FAS: variants seen among roughly 807,000 people sequenced by gnomAD.
The protein encoded by FAS is tumor necrosis factor receptor superfamily member 6.
A neutral mutation model predicts 33.2 loss-of-function variants in FAS; 5 were observed. The observed-to-expected ratio is 0.15, with a 90% CI of 0.08 to 0.32. The LOEUF (loss-of-function observed/expected upper bound fraction) is 0.32, where lower values mean the gene tolerates loss of function less well. Ranked by LOEUF, FAS falls within the 10% of genes least tolerant of loss-of-function variation. The pLI, the probability that FAS is intolerant of heterozygous loss-of-function variation, is 1.00. For synonymous variants in FAS, 131 were observed against 130.7 expected, an observed-to-expected ratio of 1.00 and a Z score of -0.01; for missense variants, 339 against 386.0, an observed-to-expected ratio of 0.88 and a Z score of 1.02.
At position 88,997,911 on chromosome 10, in the gene FAS, T is replaced by C. The variant is rs9658707; in HGVS notation, c.31-5118T>C. 7.4e-3 allele frequency among the ~76,000 whole-genome samples: 1,133 copies of C among 152,306 alleles called. 12 individuals are homozygous for C. The highest frequency in any genetic ancestry group is 0.025 in the African/African-American group (1,058 of 41,552). On this transcript the variant is annotated intron_variant, in intron 1 of 8. Transcript: ENST00000652046. ...GGAAAGAAGTAGCTCTAGTTCATAT[T>C]GGCACCTGCTAATTCTAGTTCTGAA...
chr10:88,996,193 ACT>A (rs991527232), intron 1 of FAS, among the ~76,000 whole-genome samples: 10 of 98,972 alleles, frequency 1.0e-4, no homozygotes, highest in African/African-American at 3.1e-4. Flanking sequence ...GCGGGTGAAG[ACT>A]CTTGTTTTTT....
upstream of FAS, among the ~76,000 whole-genome samples, chr10:88,984,450 A>T (rs1846813794): frequency 6.6e-6 from 1 of 152,246 alleles, no homozygotes; most frequent in African/African-American, 2.4e-5. Context: ...ATAGTAGCAC[A>T]CTAGTGTCAT....
intron 1 of FAS, among the ~76,000 whole-genome samples, chr10:88,993,305 A>ATTTTTTTTTTTT (rs59583029): frequency 6.7e-6 from 1 of 148,908 alleles, no homozygotes. Flanking sequence ...TGTGGGTTGC[A>ATTTTTTTTTTTT]TTTTTTTTTT....
Position 89,014,450 on chromosome 10 carries a change from G to T in FAS, c.1008G>T (p.Ter336TyrextTer9). The change falls in exon 9 of 9, where the codon TAG becomes TAT. Residue 336 changes from the stop codon to tyrosine (Y), a stop_lost. Coordinates refer to ENST00000652046, the MANE Select transcript of FAS (RefSeq NM_000043.6). ...GAAATGAAATCCAAAGCTTGGTCTA[G>T]AGTGAAAAACAACAAATTCAGTTCT... ...NFRNEIQSLV[*>Y] 1 of 1,607,442 alleles carries T rather than the reference G, an allele frequency of 6.2e-7. No homozygotes were observed. Among genetic ancestry groups the T allele is most frequent in the South Asian group, 1.1e-5 (1 of 91,052 alleles).
rs1449711911 is a variant in FAS, at chr10:89,014,343, G to A, written c.901G>A (p.Ala301Thr). 6.2e-6 allele frequency: 10 copies of A among 1,613,844 alleles called. No homozygotes were observed. Among genetic ancestry groups the A allele is most frequent in the Non-Finnish European group, 8.5e-6 (10 of 1,179,918 alleles). ...CACATTGATTAAAGATCTCAAAAAA[G>A]CCAATCTTTGTACTCTTGCAGAGAA... ...YDTLIKDLKK[A>T]NLCTLAEKIQ... The change falls in exon 9 of 9, where the codon GCC (alanine) becomes ACC (threonine). Residue 301 changes from alanine to threonine, a missense_variant. Coordinates refer to ENST00000652046, the MANE Select transcript of FAS (RefSeq NM_000043.6).
upstream of FAS, among the ~76,000 whole-genome samples, chr10:88,986,017 A>C (rs1481860685): frequency 6.6e-6 from 1 of 152,224 alleles, no homozygotes; most frequent in Non-Finnish European, 1.5e-5. Context: ...ATTTATGGTT[A>C]TAATGTAATG....
intron 1 of FAS, among the ~76,000 whole-genome samples, chr10:88,993,211 T>C (rs1847365296): frequency 6.6e-6 from 1 of 152,184 alleles, no homozygotes; most frequent in Admixed American, 6.5e-5. Context: ...AATAAAAAAG[T>C]TTGAAATCCC....
At chr10:88,988,900 T>C (rs1418479315), upstream of FAS, among the ~76,000 whole-genome samples, 1 of 152,190 alleles carries the variant, frequency 6.6e-6, no homozygotes, top group Non-Finnish European at 1.5e-5. Flanking sequence ...CTAAGATTAT[T>C]TGACCATGAA....
At chr10:88,999,610 A>G (rs1438613551) in intron 1 of FAS, among the ~76,000 whole-genome samples, 1 of 152,222 alleles carries the variant, frequency 6.6e-6, no homozygotes, top group Non-Finnish European at 1.5e-5. Context: ...TGCCTAAACA[A>G]TACTGCATTA....
chr10:88,985,001 G>A (rs527549964), upstream of FAS, among the ~76,000 whole-genome samples: 33 of 152,310 alleles, frequency 2.2e-4, no homozygotes, highest in African/African-American at 7.9e-4. Context: ...ACATTTAGTT[G>A]GTAATATAGG....
chr10:89,008,878 TG>T lies in FAS; in HGVS notation c.335-10del, dbSNP rs1210803775. ...CCGCTATAACTAATAGTTTCCAAAC[TG>T]ATTTTCTAGGCTTAGAAGTGGAAAT... On this transcript the variant is annotated splice_polypyrimidine_tract_variant and intron_variant, in intron 3 of 8. Coordinates refer to ENST00000652046, the MANE Select transcript of FAS (RefSeq NM_000043.6). 3 of 1,612,904 alleles carry T rather than the reference TG, an allele frequency of 1.9e-6. No homozygotes were observed. In the African/African-American group the frequency reaches 4.0e-5, roughly 22 times the overall value.
intron 3 of FAS, 55 bp downstream of exon 3, chr10:89,007,892 C>T (rs1035238918): frequency 1.4e-5 from 23 of 1,609,606 alleles, no homozygotes; most frequent in South Asian, 2.2e-5. Flanking sequence ...TCATGTAGAA[C>T]CATTTATAAG....
chr10:88,973,364 C>T lies in FAS; in HGVS notation n.260+17C>T, dbSNP rs1846492412. The T allele has an allele frequency of 1.2e-5, 18 of 1,461,480 alleles. No homozygotes were observed. In the South Asian group the frequency reaches 2.7e-4, roughly 22 times the overall value. The allele number at this position is 1,461,480 out of a possible 1,614,324, so 90.5% of individuals were successfully genotyped here. ...GGTGATTAGGTAATCCAAGAATTGCCAGGCGAACAATTGTGAAAATCTTTC... is the reference window on the plus strand; with the variant it reads ...GGTGATTAGGTAATCCAAGAATTGCTAGGCGAACAATTGTGAAAATCTTTC... On this transcript the variant is annotated intron_variant and non_coding_transcript_variant, in intron 2 of 3. Transcript: ENST00000688239.
At chr10:89,007,977 G>T (rs111667735) in intron 3 of FAS, 140 bp downstream of exon 3, 1 of 1,305,930 alleles carries the variant, frequency 7.7e-7, no homozygotes, top group East Asian at 2.4e-5. Context: ...CTAGGGTACC[G>T]CAGAACCAGG....
intron 2 of FAS, among the ~76,000 whole-genome samples, chr10:88,976,735 T>C (rs1207338443): frequency 6.6e-6 from 1 of 152,254 alleles, no homozygotes; most frequent in Non-Finnish European, 1.5e-5. Flanking sequence ...GAAGCTATGA[T>C]AGAAATAAAG....
In FAS at chr10:89,002,909, C is replaced by A. The variant is rs937472637; in HGVS notation, c.31-120C>A. The A allele has an allele frequency of 1.9e-5, 19 of 981,526 alleles. No homozygotes were observed. The African/African-American group carries it at 2.6e-4, about 13-fold the overall frequency. 60.8% of individuals were successfully genotyped at this position (981,526 alleles called of 1,614,324 possible). On this transcript the variant is annotated intron_variant, in intron 1 of 8. Transcript: ENST00000652046. ...GAGAGAAATCTGAAAGACAGTGGAG[C>A]CCTCACATTGTCTTTGCCTGTGCAC... is the stretch of plus-strand genomic sequence containing the variant.
chr10:88,972,854 G>GT (rs1846480635), intron 1 of FAS, among the ~76,000 whole-genome samples: 2 of 152,104 alleles, frequency 1.3e-5, no homozygotes, highest in African/African-American at 4.8e-5. Flanking sequence ...GTTTCTGATT[G>GT]TTTTTCCAGT....
At chr10:89,000,780 C>CTCAT (rs2133455130) in intron 1 of FAS, among the ~76,000 whole-genome samples, 1 of 152,324 alleles carries the variant, frequency 6.6e-6, no homozygotes, top group East Asian at 1.9e-4. Context: ...GGTGCGTTGG[C>CTCAT]TCATGCCTGT....
At chr10:88,994,663 T>C (rs1847474332) in intron 1 of FAS, among the ~76,000 whole-genome samples, 1 of 152,144 alleles carries the variant, frequency 6.6e-6, no homozygotes, top group Non-Finnish European at 1.5e-5. Context: ...TAATTGCATG[T>C]TTAATTTGAG....
Sources: gnomAD v4.1 joint callset for allele counts (sites outside exome capture counted in the v4.1 genomes callset) on GRCh38, gnomAD v4.1.1 for gene constraint, MANE v1.5 for transcripts, NCBI Gene and HGNC (gene_info 2026-07-23, HGNC 2026-07-21) for gene names.